Variants in L3MBTL4 observed in about 807,000 individuals in gnomAD.
L3MBTL4 encodes lethal(3)malignant brain tumor-like protein 4.
L3MBTL4 carries 70 observed loss-of-function variants against 84.5 expected under a neutral mutation model. That is an observed-to-expected ratio of 0.83 (90% CI 0.68 to 1.01). The LOEUF is 1.01. Among genes scored for constraint, L3MBTL4 ranks in the 50% least tolerant of loss-of-function variants. L3MBTL4 has a pLI of 0.00. For synonymous variants in L3MBTL4, 274 were observed against 259.8 expected, an observed-to-expected ratio of 1.05 and a Z score of -0.52; for missense variants, 715 against 754.8, an observed-to-expected ratio of 0.95 and a Z score of 0.62.
At chr18:6,308,699 G>GGAT (rs924230349) in intron 3 of L3MBTL4, among the ~76,000 whole-genome samples, 11 of 152,088 alleles carry the variant, frequency 7.2e-5, no homozygotes, top group African/African-American at 2.7e-4. Flanking sequence ...CGCCCATTTG[G>GGAT]GATGTGTGTA....
chr18:6,062,922 A>G (rs976227370), intron 16 of L3MBTL4, among the ~76,000 whole-genome samples: 3 of 151,556 alleles, frequency 2.0e-5, no homozygotes, highest in Non-Finnish European at 4.4e-5. Flanking sequence ...ATTTTAGTGC[A>G]CCCGTCATCT....
At position 6,239,915 on chromosome 18, in the gene L3MBTL4, G is replaced by A. The variant is rs771796786; in HGVS notation, c.553-43C>T. 4 of 1,608,946 alleles carry A rather than the reference G, an allele frequency of 2.5e-6. No individual in the cohort carries two copies. The Admixed American group carries it at 6.7e-5, about 27-fold the overall frequency. On this transcript the variant is annotated intron_variant, in intron 8 of 18. Transcript: ENST00000317931. ...GGGGAAGAAGCACAAAAAGAAACAGGACACCAAATAGGACTGAGCCACTGT... is the reference window on the plus strand; with the variant it reads ...GGGGAAGAAGCACAAAAAGAAACAGAACACCAAATAGGACTGAGCCACTGT...
chr18:6,210,146 G>A (rs1026217002), intron 12 of L3MBTL4, among the ~76,000 whole-genome samples: 2 of 152,092 alleles, frequency 1.3e-5, no homozygotes, highest in African/African-American at 4.8e-5. Flanking sequence ...TCTCAAAAAA[G>A]GTATAATAAA....
At chr18:6,124,712 A>C (rs1158590787) in intron 14 of L3MBTL4, among the ~76,000 whole-genome samples, 1 of 152,136 alleles carries the variant, frequency 6.6e-6, no homozygotes, top group Non-Finnish European at 1.5e-5. Flanking sequence ...CAACTCTTGA[A>C]GTGTGCTGGA....
chr18:6,058,586 G>A (rs1162502123), intron 16 of L3MBTL4, among the ~76,000 whole-genome samples: 1 of 151,910 alleles, frequency 6.6e-6, no homozygotes, highest in Non-Finnish European at 1.5e-5. Context: ...TTTGATCCAA[G>A]GTATATTTGA....
intron 16 of L3MBTL4, chr18:6,031,400 T>C: frequency 5.1e-6 from 5 of 985,472 alleles, no homozygotes; most frequent in Non-Finnish European, 6.0e-6. Flanking sequence ...GCTACTTCTT[T>C]GTGGCCGTCT....
chr18:6,115,315 A>C lies in L3MBTL4; in HGVS notation c.1200-21787T>G, dbSNP rs551204438. Reference sequence around the variant, plus strand: ...AGGAGGGTGCTGAGTGATTCAGTAGAATGGGCATGAACTAAAGCACAGGTG... The same window carrying C: ...AGGAGGGTGCTGAGTGATTCAGTAGCATGGGCATGAACTAAAGCACAGGTG... On this transcript the variant is annotated intron_variant, in intron 14 of 18. Coordinates refer to ENST00000317931, the MANE Select transcript of L3MBTL4 (RefSeq NM_001330559.2). 5.3e-5 allele frequency among the ~76,000 whole-genome samples: 8 copies of C among 152,310 alleles called. No homozygotes were observed. The South Asian group carries it at 1.4e-3, about 28-fold the overall frequency.
At chr18:5,981,998 G>GTGTGTGTGTGTGTGTT (rs1555622580) in intron 16 of L3MBTL4, among the ~76,000 whole-genome samples, 7 of 128,594 alleles carry the variant, frequency 5.4e-5, no homozygotes, top group African/African-American at 2.4e-4. Flanking sequence ...GTGTGTGTGT[G>GTGTGTGTGTGTGTGTT]TGTGTGTGTG....
intron 1 of L3MBTL4, among the ~76,000 whole-genome samples, chr18:6,339,934 A>G (rs2052528370): frequency 6.6e-6 from 1 of 152,170 alleles, no homozygotes; most frequent in African/African-American, 2.4e-5. Flanking sequence ...TCTTATTAAA[A>G]TCTTTCTATA....
At chr18:6,177,778 A>G (rs1009495977) in intron 12 of L3MBTL4, among the ~76,000 whole-genome samples, 1 of 152,224 alleles carries the variant, frequency 6.6e-6, no homozygotes, top group African/African-American at 2.4e-5. Context: ...CAAGGTGTGA[A>G]CAGGCAACAC....
chr18:6,391,752 AACT>A (rs139560897), intron 1 of L3MBTL4, among the ~76,000 whole-genome samples: 31 of 150,078 alleles, frequency 2.1e-4, no homozygotes, highest in South Asian at 8.4e-4. Flanking sequence ...CAACAACAAC[AACT>A]ACTACTACTA....
intron 16 of L3MBTL4, chr18:6,030,909 T>C: frequency 1.0e-6 from 1 of 985,128 alleles, no homozygotes; most frequent in Non-Finnish European, 1.2e-6. Context: ...ACCCAGAGGT[T>C]TTTCCCTTTA....
At chr18:6,159,088 C>T (rs550857824) in intron 13 of L3MBTL4, among the ~76,000 whole-genome samples, 84 of 152,280 alleles carry the variant, frequency 5.5e-4, no homozygotes, top group African/African-American at 1.9e-3. Flanking sequence ...TGAGGCTATG[C>T]TGCAATGTCA....
intron 14 of L3MBTL4, among the ~76,000 whole-genome samples, chr18:6,108,203 G>C (rs567263322): frequency 1.3e-5 from 2 of 152,272 alleles, no homozygotes; most frequent in African/African-American, 4.8e-5. Context: ...AAATGGTCGA[G>C]CACATATGCC....
chr18:6,219,278 T>C (rs992742971), intron 10 of L3MBTL4, among the ~76,000 whole-genome samples: 21 of 152,002 alleles, frequency 1.4e-4, no homozygotes, highest in Admixed American at 1.3e-3. Context: ...AGGCAGCCCC[T>C]TTCAGGCCTC....
intron 10 of L3MBTL4, among the ~76,000 whole-genome samples, chr18:6,225,512 C>A (rs1470270080): frequency 1.3e-5 from 2 of 152,148 alleles, no homozygotes; most frequent in Non-Finnish European, 2.9e-5. Flanking sequence ...ATAATCCCAG[C>A]ACTTTGGGAG....
At chr18:5,957,600 T>G (rs1309406576) in intron 18 of L3MBTL4, among the ~76,000 whole-genome samples, 6 of 152,062 alleles carry the variant, frequency 3.9e-5, no homozygotes, top group Admixed American at 6.6e-5. Context: ...ATGGAAGGGT[T>G]TTCTATGGAA....
rs138707540 is a variant in L3MBTL4, at chr18:6,161,702, C to G, written c.1096+10126G>C. Among the ~76,000 whole-genome samples, 219 of 152,270 alleles carry G rather than the reference C, an allele frequency of 1.4e-3. 4 individuals are homozygous for G. In the East Asian group the frequency reaches 0.032, roughly 23 times the overall value. On this transcript the variant is annotated intron_variant, in intron 13 of 18. Transcript: ENST00000317931. Reference sequence around the variant, plus strand: ...AGAGGCTGCCACTAACTATTTCAGGCCCGGCGTGCTCATCTGAGCCCGGCT... The same window carrying G: ...AGAGGCTGCCACTAACTATTTCAGGGCCGGCGTGCTCATCTGAGCCCGGCT...
At chr18:6,052,678 T>A (rs1174537713) in intron 16 of L3MBTL4, among the ~76,000 whole-genome samples, 1 of 152,234 alleles carries the variant, frequency 6.6e-6, no homozygotes, top group East Asian at 1.9e-4. Flanking sequence ...TCTAATCTTC[T>A]GAGGAAAGAA....
Sources: allele counts gnomAD v4.1 joint callset (sites outside exome capture counted in the v4.1 genomes callset), GRCh38; gene constraint gnomAD v4.1.1; transcripts MANE v1.5; gene names NCBI Gene and HGNC (gene_info 2026-07-23, HGNC 2026-07-21).